The following RBFOX1 variants were observed in gnomAD, a reference collection of about 807,000 sequenced individuals.
RBFOX1 encodes RNA binding fox-1 homolog 1, also known as RNA binding protein fox-1 homolog 1.
Under a neutral mutation model 57.7 loss-of-function variants are expected in RBFOX1, and 8 were observed. That is an observed-to-expected ratio of 0.14 (90% CI 0.08 to 0.25). The LOEUF is 0.25. Among genes scored for constraint, RBFOX1 ranks in the 10% least tolerant of loss-of-function variants. The pLI is 1.00. For synonymous variants in RBFOX1, 326 were observed against 222.4 expected (o/e 1.47, Z -4.15); for missense variants, 611 against 548.5 (o/e 1.11, Z -1.14).
At chr16:6,875,992 G>A (rs192507952) in intron 3 of RBFOX1, among the ~76,000 whole-genome samples, 106 of 151,744 alleles carry the variant, frequency 7.0e-4, no homozygotes, top group Admixed American at 1.0e-3. Context: ...AGTGGAACTT[G>A]TCTCAAAAAA....
rs1567630906 is a variant in RBFOX1 at position 5,856,198 on chromosome 16, T to TAC, written c.319-11104_319-11103insCA. Among the ~76,000 whole-genome samples, 28 of 65,332 alleles carry TAC rather than the reference T, an allele frequency of 4.3e-4. 1 individual carries two copies. The highest frequency in any genetic ancestry group is 1.2e-3 in the East Asian group (3 of 2,584). The allele number at this position is 65,332 out of a possible 152,430, so 42.9% of individuals were successfully genotyped here. A position where few individuals can be genotyped will look rare whatever the true frequency, so the allele number is the denominator to read the frequency against. On this transcript the variant is annotated intron_variant, in intron 3 of 19. Coordinates refer to the RBFOX1 transcript ENST00000641259. The stretch of plus-strand genomic sequence containing the variant: ...CTCTCTCTCTCTCTCTATATATATA[T>TAC]ATATATATACATATATATGTATATA...
At chr16:6,960,429 C>T (rs1476025934) in intron 3 of RBFOX1, among the ~76,000 whole-genome samples, 1 of 152,118 alleles carries the variant, frequency 6.6e-6, no homozygotes, top group Non-Finnish European at 1.5e-5. Context: ...TCCCTGTACC[C>T]GGTTACAGGA....
chr16:7,170,391 C>T (rs1459023481), intron 4 of RBFOX1, among the ~76,000 whole-genome samples: 1 of 152,064 alleles, frequency 6.6e-6, no homozygotes, highest in Non-Finnish European at 1.5e-5. Flanking sequence ...CTCACCTCAG[C>T]CTCCTGAGTA....
chr16:7,655,628 G>C (rs1269381843), intron 12 of RBFOX1, among the ~76,000 whole-genome samples: 1 of 152,166 alleles, frequency 6.6e-6, no homozygotes, highest in Admixed American at 6.6e-5. Context: ...GAAGGAAAAA[G>C]AAAATCCCAA....
At chr16:6,740,340 A>G (rs1465840120) in intron 3 of RBFOX1, among the ~76,000 whole-genome samples, 1 of 152,222 alleles carries the variant, frequency 6.6e-6, no homozygotes, top group Non-Finnish European at 1.5e-5. Flanking sequence ...TTCCCCTTAA[A>G]TACAGGAACA....
At chr16:7,463,591 C>T (rs1467056744) in intron 4 of RBFOX1, among the ~76,000 whole-genome samples, 1 of 152,206 alleles carries the variant, frequency 6.6e-6, no homozygotes, top group Non-Finnish European at 1.5e-5. Flanking sequence ...CTTCTAATAC[C>T]ATCACCTTGG....
chr16:6,748,181 C>A (rs1024091536), intron 3 of RBFOX1, among the ~76,000 whole-genome samples: 1 of 151,952 alleles, frequency 6.6e-6, no homozygotes, highest in African/African-American at 2.4e-5. Context: ...GCAATAAATG[C>A]ATATTTAATT....
chr16:7,155,837 A>G (rs1467618634), intron 4 of RBFOX1, among the ~76,000 whole-genome samples: 1 of 151,224 alleles, frequency 6.6e-6, no homozygotes, highest in African/African-American at 2.4e-5. Flanking sequence ...TCTATATAAT[A>G]CCTATATATG....
At chr16:7,269,839 C>G (rs973826173) in intron 4 of RBFOX1, among the ~76,000 whole-genome samples, 5 of 152,118 alleles carry the variant, frequency 3.3e-5, no homozygotes, top group African/African-American at 7.2e-5. Flanking sequence ...TTTTATGTTG[C>G]TTTTTGAACT....
intron 5 of RBFOX1, among the ~76,000 whole-genome samples, chr16:7,554,855 A>T (rs1031699051): frequency 1.3e-5 from 2 of 152,220 alleles, no homozygotes; most frequent in African/African-American, 4.8e-5. Flanking sequence ...CAATTAAGAA[A>T]ATAGAAGTTG....
Position 6,159,123 on chromosome 16 carries a change from C to T in RBFOX1, c.-127+139131C>T, listed in dbSNP as rs940898335. Among the ~76,000 whole-genome samples the T allele has an allele frequency of 5.3e-5, 8 of 152,228 alleles. No homozygotes were observed. In the South Asian group the frequency reaches 6.2e-4, roughly 12 times the overall value. ...ATGGAGTCTCATTCTGTCACCTAGG[C>T]TGGAGTTCATTGGCGTGATCTCAGC... On this transcript the variant is annotated intron_variant, in intron 1 of 15. Coordinates refer to ENST00000550418, the MANE Select transcript of RBFOX1 (RefSeq NM_018723.4).
chr16:6,285,526 GATTC>G (rs150871956), intron 1 of RBFOX1, among the ~76,000 whole-genome samples: 78 of 152,296 alleles, frequency 5.1e-4, no homozygotes, highest in Admixed American at 9.8e-4. Flanking sequence ...GCCGAGTGCT[GATTC>G]CATGCACAAG....
chr16:7,354,872 C>G (rs759230849), intron 4 of RBFOX1, among the ~76,000 whole-genome samples: 1 of 152,324 alleles, frequency 6.6e-6, no homozygotes. Flanking sequence ...AAAAGTTCTG[C>G]TGGACAGCTC....
intron 4 of RBFOX1, among the ~76,000 whole-genome samples, chr16:7,058,825 T>C (rs532978865): frequency 6.6e-6 from 1 of 152,314 alleles, no homozygotes; most frequent in Non-Finnish European, 1.5e-5. Flanking sequence ...CATTTATTGT[T>C]CCACTTATTT....
At chr16:6,515,715 C>T (rs1426122568) in intron 2 of RBFOX1, among the ~76,000 whole-genome samples, 2 of 152,164 alleles carry the variant, frequency 1.3e-5, no homozygotes, top group African/African-American at 4.8e-5. Flanking sequence ...GCTTTGACTT[C>T]AGGCTACCCC....
At chr16:5,500,114 TTCCCTCC>T (rs1423893510) in intron 2 of RBFOX1, among the ~76,000 whole-genome samples, 2 of 75,892 alleles carry the variant, frequency 2.6e-5, no homozygotes, top group Non-Finnish European at 4.7e-5. Context: ...CTTCCCTCCC[TTCCCTCC>T]TTCCCTCCTT....
intron 14 of RBFOX1, among the ~76,000 whole-genome samples, chr16:7,696,072 C>T (rs989472794): frequency 6.6e-6 from 1 of 152,150 alleles, no homozygotes; most frequent in Non-Finnish European, 1.5e-5. Flanking sequence ...GGTCTTGTGT[C>T]GAGAGTGCCA....
At chr16:7,433,000 G>A (rs1275219029) in intron 4 of RBFOX1, among the ~76,000 whole-genome samples, 3 of 152,144 alleles carry the variant, frequency 2.0e-5, no homozygotes, top group Non-Finnish European at 4.4e-5. Context: ...CAGGGAAGGA[G>A]GTTTATATCT....
chr16:5,684,921 G>T (rs529278807), intron 3 of RBFOX1, among the ~76,000 whole-genome samples: 1 of 152,122 alleles, frequency 6.6e-6, no homozygotes, highest in Non-Finnish European at 1.5e-5. Context: ...GCTCTCCAGC[G>T]TATGAGACAC....
Sources: gnomAD v4.1 joint callset for allele counts (sites outside exome capture counted in the v4.1 genomes callset) on GRCh38, gnomAD v4.1.1 for gene constraint, MANE v1.5 for transcripts, NCBI Gene and HGNC (gene_info 2026-07-23, HGNC 2026-07-21) for gene names.